ADGRD1: variants seen among roughly 807,000 people sequenced by gnomAD.
The protein encoded by ADGRD1 is G-protein coupled receptor 133.
A neutral mutation model predicts 113.4 loss-of-function variants in ADGRD1; 77 were observed. That is an observed-to-expected ratio of 0.68 (90% confidence interval 0.57 to 0.82). The LOEUF is 0.82. ADGRD1 is among the 40% of genes least tolerant of loss of function. ADGRD1 has a pLI of 0.00. For missense variants in ADGRD1, 1,036 were observed against 1,139.1 expected, an observed-to-expected ratio of 0.91 and a Z score of 1.30; for synonymous variants, 474 against 475.0, an observed-to-expected ratio of 1.00 and a Z score of 0.03.
intron 15 of ADGRD1, among the ~76,000 whole-genome samples, chr12:131,085,226 G>T (rs1727350): frequency 0.065 from 9,950 of 152,250 alleles, 364 homozygotes; most frequent in Non-Finnish European, 0.078. Flanking sequence ...GCGGGGAGCG[G>T]GGCGTCTTCA....
At chr12:130,991,579 G>A (rs1874394664) in intron 7 of ADGRD1, among the ~76,000 whole-genome samples, 1 of 152,220 alleles carries the variant, frequency 6.6e-6, no homozygotes, top group East Asian at 1.9e-4. Context: ...GCCTCTCTGC[G>A]CTTAGTGTCA....
intron 15 of ADGRD1, among the ~76,000 whole-genome samples, chr12:131,090,322 C>T (rs1886826635): frequency 6.6e-6 from 1 of 152,134 alleles, no homozygotes; most frequent in African/African-American, 2.4e-5. Flanking sequence ...AAAATAGCAC[C>T]AGTGACCTTA....
At chr12:131,100,573 G>A (rs1950046512) in intron 15 of ADGRD1, among the ~76,000 whole-genome samples, 1 of 152,108 alleles carries the variant, frequency 6.6e-6, no homozygotes, top group Non-Finnish European at 1.5e-5. Context: ...TTGATGATGG[G>A]TTGGTTGATG....
intron 9 of ADGRD1, among the ~76,000 whole-genome samples, chr12:131,000,747 C>CAAAA (rs371823726): frequency 4.4e-5 from 5 of 112,646 alleles, no homozygotes; most frequent in African/African-American, 1.3e-4. Context: ...TCTCAAAAAA[C>CAAAA]AAAAAAAAAA....
At chr12:131,029,975 G>A (rs1281556174) in intron 13 of ADGRD1, among the ~76,000 whole-genome samples, 2 of 151,052 alleles carry the variant, frequency 1.3e-5, no homozygotes, top group East Asian at 3.9e-4. Context: ...TCTGGGGTTA[G>A]GTTGTGGACC....
At chr12:131,005,787 C>T (rs187429623) in intron 11 of ADGRD1, among the ~76,000 whole-genome samples, 185 bp from the exon 12 acceptor site, 72 of 151,768 alleles carry the variant, frequency 4.7e-4, no homozygotes, top group African/African-American at 1.5e-3. Flanking sequence ...TCCACCGTCA[C>T]GCTGCTGAGT....
At chr12:131,017,344 A>T in intron 13 of ADGRD1, among the ~76,000 whole-genome samples, 1 of 145,384 alleles carries the variant, frequency 6.9e-6, no homozygotes, top group African/African-American at 2.6e-5. Context: ...GTCCACACAC[A>T]CCCAGTCCAC....
At chr12:131,100,499 G>A (rs1482123315) in intron 15 of ADGRD1, among the ~76,000 whole-genome samples, 1 of 151,960 alleles carries the variant, frequency 6.6e-6, no homozygotes, top group Non-Finnish European at 1.5e-5. Flanking sequence ...AGTCAGATTA[G>A]CTGATGATGC....
chr12:130,999,923 C>G (rs1218983370), intron 8 of ADGRD1, among the ~76,000 whole-genome samples: 1 of 152,202 alleles, frequency 6.6e-6, no homozygotes, highest in Non-Finnish European at 1.5e-5. Context: ...TTAAGGTGAC[C>G]TGACCAAGGG....
At chr12:131,004,392 G>GCTGAGGTGCTCCCCCGGGCCGC in intron 11 of ADGRD1, 96 bp downstream of exon 11, 5 of 790,714 alleles carry the variant, frequency 6.3e-6, no homozygotes, top group Non-Finnish European at 1.1e-5. Context: ...GCGCCAGGGA[G>GCTGAGGTGCTCCCCCGGGCCGC]CTGCGGTGCT....
chr12:131,016,596 G>C (rs1315904151), intron 13 of ADGRD1, among the ~76,000 whole-genome samples: 1 of 152,244 alleles, frequency 6.6e-6, no homozygotes, highest in Non-Finnish European at 1.5e-5. Context: ...TGTCAAGCCT[G>C]TAGTCAAGAG....
rs1879422638 is a variant in ADGRD1 at position 131,022,425 on chromosome 12, G to C, written c.1473+8085G>C. On this transcript the variant is annotated intron_variant, in intron 13 of 24. Transcript: ENST00000261654. This position sits in a 1 kb window ranked among gnomAD's most constrained non-coding sequence, Gnocchi z 4.6. ...ATTTTGACTGTAATGTTTGCCTAAT[G>C]ATGACTTTCTATTTCCACCATTCCT... Among the ~76,000 whole-genome samples, 2 of 152,140 alleles carry C rather than the reference G, an allele frequency of 1.3e-5. No individual in the cohort carries two copies. Among genetic ancestry groups the C allele is most frequent in the South Asian group, 4.1e-4 (2 of 4,822 alleles).
At chr12:131,007,556 T>C (rs895785556) in intron 12 of ADGRD1, among the ~76,000 whole-genome samples, 1 of 152,358 alleles carries the variant, frequency 6.6e-6, no homozygotes, top group Non-Finnish European at 1.5e-5. Flanking sequence ...CTCCCTCTGC[T>C]GTCCTCACGG....
chr12:131,136,253 G>A lies in ADGRD1; in HGVS notation c.2394+90G>A, dbSNP rs765478544. On this transcript the variant is annotated intron_variant, in intron 22 of 24. Coordinates refer to ENST00000261654, the MANE Select transcript of ADGRD1 (RefSeq NM_198827.5). ...GCTAGGGCTGCAGGGGCAGGAGGGA[G>A]GCCTGCCCTCCCGGCCACACCTTAG... 1,063 of 1,472,272 alleles carry A rather than the reference G, an allele frequency of 7.2e-4. 2 individuals carry two copies. Among genetic ancestry groups the A allele is most frequent in the Non-Finnish European group, 9.5e-4 (1,015 of 1,072,146 alleles). 91.2% of individuals were successfully genotyped at this position (1,472,272 alleles called of 1,614,324 possible).
rs1040291500 is a variant in ADGRD1 at position 131,051,000 on chromosome 12, G to C, written c.1474-25801G>C. ...CGGGCTGGTCCCGGTTCACGGCCCG[G>C]GTGTTGGGAACCCCTGTGTTAAACC... On this transcript the variant is annotated intron_variant, in intron 13 of 24. Transcript: ENST00000261654. The surrounding 1 kb of genome is among the most constrained non-coding windows in gnomAD (Gnocchi z 4.8). Among the ~76,000 whole-genome samples the C allele has an allele frequency of 6.6e-6, 1 of 152,176 alleles. No homozygotes were observed. Among genetic ancestry groups the C allele is most frequent in the African/African-American group, 2.4e-5 (1 of 41,452 alleles).
At chr12:131,010,816 C>T (rs1252102228) in intron 12 of ADGRD1, among the ~76,000 whole-genome samples, 2 of 152,180 alleles carry the variant, frequency 1.3e-5, no homozygotes, top group African/African-American at 2.4e-5. Context: ...GCTGCTTTCC[C>T]CAGGGCCAGC....
chr12:131,115,491 C>T (rs564137951), intron 18 of ADGRD1, among the ~76,000 whole-genome samples: 6 of 152,310 alleles, frequency 3.9e-5, no homozygotes, highest in South Asian at 2.1e-4. Flanking sequence ...CCCCATCTGT[C>T]GAGACCCCTT....
At chr12:131,051,248 C>T (rs1158020991) in intron 13 of ADGRD1, among the ~76,000 whole-genome samples, 1 of 152,214 alleles carries the variant, frequency 6.6e-6, no homozygotes, top group Admixed American at 6.5e-5. Context: ...TATGCTGCCC[C>T]AGGAACGATT....
At chr12:131,139,121 C>G in intron 24 of ADGRD1, 47 bp from the exon 25 acceptor site, 2 of 1,464,574 alleles carry the variant, frequency 1.4e-6, no homozygotes, top group South Asian at 2.3e-5. Context: ...TTATGGCTCT[C>G]CCCCTGGGAG....
Sources: gnomAD v4.1 joint callset for allele counts (sites outside exome capture counted in the v4.1 genomes callset) on GRCh38, gnomAD v4.1.1 for gene constraint, Gnocchi (gnomAD v3.1) non-coding constraint, MANE v1.5 for transcripts, NCBI Gene and HGNC (gene_info 2026-07-23, HGNC 2026-07-21) for gene names.